Variants in TAFA2 observed in about 807,000 individuals in gnomAD.
TAFA2 encodes the protein TAFA chemokine like family member 2, also known as chemokine-like protein TAFA-2.
A neutral mutation model predicts 18.8 loss-of-function variants in TAFA2; 7 were observed. The observed-to-expected ratio is 0.37, with a 90% CI of 0.21 to 0.70. The LOEUF is 0.70. Among genes scored for constraint, TAFA2 ranks in the 30% least tolerant of loss-of-function variants. TAFA2 has a pLI of 0.53. For missense variants in TAFA2, 122 were observed against 158.1 expected, an observed-to-expected ratio of 0.77 and a Z score of 1.23; for synonymous variants, 60 against 54.2, an observed-to-expected ratio of 1.11 and a Z score of -0.47.
chr12:61,783,482 T>C (rs1054889344), intron 2 of TAFA2, among the ~76,000 whole-genome samples: 2 of 151,652 alleles, frequency 1.3e-5, no homozygotes, highest in Admixed American at 6.6e-5. Context: ...TCTACTAGGA[T>C]AGGAATTTCT....
At chr12:62,044,883 C>T (rs1340772565) in intron 1 of TAFA2, among the ~76,000 whole-genome samples, 2 of 152,104 alleles carry the variant, frequency 1.3e-5, no homozygotes, top group Admixed American at 6.5e-5. Flanking sequence ...GAATAAGACC[C>T]AGGATGATCA....
intron 1 of TAFA2, among the ~76,000 whole-genome samples, chr12:62,156,923 C>T (rs2062373385): frequency 6.6e-6 from 1 of 152,100 alleles, no homozygotes; most frequent in Admixed American, 6.6e-5. Context: ...TCACTATGGT[C>T]TATAATTTAA....
intron 1 of TAFA2, among the ~76,000 whole-genome samples, chr12:61,959,447 G>A (rs1452655568): frequency 1.3e-5 from 2 of 151,926 alleles, no homozygotes; most frequent in Non-Finnish European, 2.9e-5. Context: ...GTGTTTGTAG[G>A]CATTTCTTGC....
At chr12:61,959,787 A>G (rs562789298) in intron 1 of TAFA2, among the ~76,000 whole-genome samples, 13 of 152,220 alleles carry the variant, frequency 8.5e-5, no homozygotes, top group Non-Finnish European at 1.5e-4. Flanking sequence ...TGAACTAGAC[A>G]TATCTTTATC....
chr12:62,214,309 G>A (rs961907654), intron 1 of TAFA2, among the ~76,000 whole-genome samples: 2 of 152,136 alleles, frequency 1.3e-5, no homozygotes, highest in Non-Finnish European at 2.9e-5. Flanking sequence ...TAGGGAATAA[G>A]TCTCACGAGA....
At chr12:61,959,457 C>T (rs934760923) in intron 1 of TAFA2, among the ~76,000 whole-genome samples, 1 of 152,010 alleles carries the variant, frequency 6.6e-6, no homozygotes, top group Admixed American at 6.6e-5. Context: ...GCATTTCTTG[C>T]TAGAGTAAAG....
At chr12:61,840,505 A>G (rs1204732603) in intron 2 of TAFA2, among the ~76,000 whole-genome samples, 1 of 151,972 alleles carries the variant, frequency 6.6e-6, no homozygotes, top group Non-Finnish European at 1.5e-5. Flanking sequence ...AATTTTATGT[A>G]CATGTTAATT....
chr12:61,851,066 G>C (rs1873622744), intron 2 of TAFA2, among the ~76,000 whole-genome samples: 1 of 152,138 alleles, frequency 6.6e-6, no homozygotes, highest in African/African-American at 2.4e-5. Context: ...GACACTGTTA[G>C]GAACAGCAGA....
chr12:62,237,580 T>C (rs1278315354), intron 1 of TAFA2, among the ~76,000 whole-genome samples: 1 of 152,234 alleles, frequency 6.6e-6, no homozygotes, highest in East Asian at 1.9e-4. Context: ...TGATTCCCTG[T>C]TTGTTGTTGT....
chr12:61,917,679 C>G (rs146341608), intron 1 of TAFA2, among the ~76,000 whole-genome samples: 1 of 152,036 alleles, frequency 6.6e-6, no homozygotes. Context: ...GTTAAAGAAG[C>G]GTGGTCACTT....
chr12:62,227,551 T>C (rs2062792500), intron 1 of TAFA2, among the ~76,000 whole-genome samples: 3 of 152,226 alleles, frequency 2.0e-5, no homozygotes, highest in Admixed American at 2.0e-4. Context: ...TACCGAGCAA[T>C]ATTTCCTCCC....
intron 2 of TAFA2, among the ~76,000 whole-genome samples, chr12:61,820,386 T>C (rs1205427908): frequency 1.3e-5 from 2 of 152,072 alleles, no homozygotes; most frequent in Non-Finnish European, 2.9e-5. Context: ...TCTACATTCA[T>C]GTCCTCTCTG....
intron 1 of TAFA2, among the ~76,000 whole-genome samples, chr12:62,186,213 C>T (rs1165970031): frequency 6.6e-6 from 1 of 152,180 alleles, no homozygotes; most frequent in Non-Finnish European, 1.5e-5. Context: ...AGGCAATTAA[C>T]ACTGAAAATT....
intron 1 of TAFA2, among the ~76,000 whole-genome samples, chr12:62,125,012 A>G (rs1870390824): frequency 3.9e-5 from 6 of 152,166 alleles, no homozygotes. Context: ...AAAACGGAGC[A>G]GGAACCCAAC....
intron 1 of TAFA2, among the ~76,000 whole-genome samples, chr12:62,134,703 C>T (rs1312580735): frequency 6.6e-6 from 1 of 152,036 alleles, no homozygotes; most frequent in Non-Finnish European, 1.5e-5. Flanking sequence ...GCAGGGAGCA[C>T]GTCCATCTAG....
At chr12:61,803,658 T>C (rs1259201603) in intron 2 of TAFA2, among the ~76,000 whole-genome samples, 1 of 151,958 alleles carries the variant, frequency 6.6e-6, no homozygotes, top group Non-Finnish European at 1.5e-5. Context: ...AACATGCTAT[T>C]AGATAACTAT....
intron 1 of TAFA2, among the ~76,000 whole-genome samples, chr12:62,150,165 G>T (rs796803787): frequency 4.3e-4 from 65 of 152,292 alleles, no homozygotes; most frequent in African/African-American, 1.6e-3. Flanking sequence ...GTATTTAGGT[G>T]CTAAGCACTG....
chr12:62,208,432 T>C (rs2062700805), intron 1 of TAFA2, among the ~76,000 whole-genome samples: 1 of 152,088 alleles, frequency 6.6e-6, no homozygotes, highest in Non-Finnish European at 1.5e-5. Context: ...ATTTTAGTTC[T>C]GTAGTATAAG....
intron 2 of TAFA2, among the ~76,000 whole-genome samples, chr12:61,787,164 A>G (rs1408216410): frequency 6.6e-6 from 1 of 150,988 alleles, no homozygotes; most frequent in East Asian, 1.9e-4. Context: ...CACATTTAAA[A>G]TACTGAAAGA....
Sources: allele counts gnomAD v4.1 joint callset (sites outside exome capture counted in the v4.1 genomes callset), GRCh38; gene constraint gnomAD v4.1.1; transcripts MANE v1.5; gene names NCBI Gene and HGNC (gene_info 2026-07-23, HGNC 2026-07-21).